PTPRD: variants seen among roughly 807,000 people sequenced by gnomAD.
PTPRD encodes the protein protein tyrosine phosphatase receptor type D.
PTPRD carries 34 observed loss-of-function variants against 214.5 expected under a neutral mutation model. That is an observed-to-expected ratio of 0.16 (90% confidence interval 0.12 to 0.21). The LOEUF is 0.21. Ranked by LOEUF, PTPRD falls within the 10% of genes least tolerant of loss-of-function variation. PTPRD has a pLI of 1.00. For missense variants in PTPRD, 2,545 were observed against 2,398.7 expected, an observed-to-expected ratio of 1.06 and a Z score of -1.27; for synonymous variants, 1,128 against 845.7, an observed-to-expected ratio of 1.33 and a Z score of -5.79.
intron 3 of PTPRD, among the ~76,000 whole-genome samples, chr9:10,106,572 C>G (rs1220227999): frequency 2.0e-5 from 3 of 151,792 alleles, no homozygotes; most frequent in Admixed American, 1.3e-4. Flanking sequence ...GTGGATTTAT[C>G]TCAGCCTCTA....
intron 3 of PTPRD, among the ~76,000 whole-genome samples, chr9:10,048,455 A>G (rs2097449968): frequency 6.6e-6 from 1 of 152,102 alleles, no homozygotes; most frequent in Middle Eastern, 3.2e-3. Context: ...GCTTCTGACC[A>G]TTGCTATCTG....
At chr9:9,668,853 G>T (rs1044399228) in intron 7 of PTPRD, among the ~76,000 whole-genome samples, 1 of 151,954 alleles carries the variant, frequency 6.6e-6, no homozygotes, top group African/African-American at 2.4e-5. Flanking sequence ...CAGTATTTTG[G>T]GAAAAACTGC....
intron 4 of PTPRD, among the ~76,000 whole-genome samples, chr9:10,027,903 T>C (rs1297423654): frequency 6.6e-6 from 1 of 152,172 alleles, no homozygotes; most frequent in African/African-American, 2.4e-5. Context: ...CTAATGGATT[T>C]TGTTTCCACT....
intron 10 of PTPRD, among the ~76,000 whole-genome samples, chr9:9,127,379 A>T (rs2099835616): frequency 6.6e-6 from 1 of 152,216 alleles, no homozygotes; most frequent in Non-Finnish European, 1.5e-5. Flanking sequence ...AGTGAGAGAT[A>T]ATGGTAGTAT....
intron 4 of PTPRD, among the ~76,000 whole-genome samples, chr9:10,032,024 T>C (rs2097090752): frequency 6.6e-6 from 1 of 152,148 alleles, no homozygotes; most frequent in South Asian, 2.1e-4. Flanking sequence ...ATTTGTCACT[T>C]AACATCCTAC....
chr9:9,272,283 T>A (rs1943255168), intron 9 of PTPRD, among the ~76,000 whole-genome samples: 2 of 151,214 alleles, frequency 1.3e-5, no homozygotes, highest in Admixed American at 6.6e-5. Context: ...CAGGCACACT[T>A]TAATTTTAAA....
chr9:9,935,666 G>A (rs1232586395), intron 5 of PTPRD, among the ~76,000 whole-genome samples: 1 of 147,646 alleles, frequency 6.8e-6, no homozygotes, highest in African/African-American at 2.7e-5. Context: ...GTAATTTACA[G>A]ATTCAATGCC....
intron 11 of PTPRD, among the ~76,000 whole-genome samples, chr9:8,991,888 T>C (rs1193956357): frequency 6.6e-6 from 1 of 152,158 alleles, no homozygotes; most frequent in Non-Finnish European, 1.5e-5. Context: ...TCTAAAGAAA[T>C]GGCAATTAGC....
At chr9:9,215,986 G>C (rs548548922) in intron 9 of PTPRD, among the ~76,000 whole-genome samples, 2 of 152,260 alleles carry the variant, frequency 1.3e-5, no homozygotes, top group South Asian at 2.1e-4. Flanking sequence ...TCTGTGTTGA[G>C]TGTCACCTGT....
intron 8 of PTPRD, among the ~76,000 whole-genome samples, chr9:9,408,054 G>C (rs985569295): frequency 4.6e-5 from 7 of 151,742 alleles, no homozygotes; most frequent in African/African-American, 1.7e-4. Context: ...AATTTTAAGA[G>C]ACAGGATTCT....
chr9:9,885,444 C>G (rs1296621668), intron 5 of PTPRD, among the ~76,000 whole-genome samples: 4 of 152,016 alleles, frequency 2.6e-5, no homozygotes, highest in Non-Finnish European at 5.9e-5. Flanking sequence ...TATGATAAGG[C>G]TTCTAAGGAT....
chr9:9,048,169 G>C (rs190812187), intron 10 of PTPRD, among the ~76,000 whole-genome samples: 133 of 152,264 alleles, frequency 8.7e-4, no homozygotes, highest in Non-Finnish European at 1.6e-3. Flanking sequence ...TGGTGAGGAT[G>C]TGAATAAAAT....
At chr9:9,013,315 C>T (rs887741159) in intron 11 of PTPRD, among the ~76,000 whole-genome samples, 5 of 151,920 alleles carry the variant, frequency 3.3e-5, no homozygotes, top group African/African-American at 4.8e-5. Flanking sequence ...AAAATAAATG[C>T]GCCATGGGAG....
chr9:9,366,956 G>C (rs2058053562), intron 9 of PTPRD, among the ~76,000 whole-genome samples: 2 of 150,590 alleles, frequency 1.3e-5, no homozygotes, highest in African/African-American at 2.4e-5. Context: ...AAATAAAAAT[G>C]AAAAAAATTA....
At chr9:9,931,638 C>A (rs576458191) in intron 5 of PTPRD, among the ~76,000 whole-genome samples, 3 of 151,296 alleles carry the variant, frequency 2.0e-5, no homozygotes, top group Non-Finnish European at 4.4e-5. Context: ...AAGACGGCAA[C>A]GAGGCTGGGG....
intron 14 of PTPRD, among the ~76,000 whole-genome samples, chr9:8,561,377 T>C (rs1368208301): frequency 1.3e-5 from 2 of 151,360 alleles, no homozygotes; most frequent in South Asian, 2.1e-4. Context: ...AGCTGTTCCA[T>C]TGTTCAATAA....
intron 5 of PTPRD, among the ~76,000 whole-genome samples, chr9:9,823,995 C>A (rs1321442007): frequency 1.3e-5 from 2 of 151,932 alleles, no homozygotes; most frequent in African/African-American, 4.8e-5. Flanking sequence ...ATATGTACAA[C>A]TATTATGCAT....
intron 8 of PTPRD, among the ~76,000 whole-genome samples, chr9:9,525,585 A>C (rs111457506): frequency 5.9e-5 from 9 of 152,226 alleles, no homozygotes; most frequent in African/African-American, 2.2e-4. Context: ...TGGGGAAGTT[A>C]ATGGAGCTGT....
chr9:9,217,129 T>C (rs2099952800), intron 9 of PTPRD, among the ~76,000 whole-genome samples: 4 of 152,124 alleles, frequency 2.6e-5, no homozygotes, highest in Admixed American at 2.6e-4. Flanking sequence ...GAGATTCCAC[T>C]GGGAGGCTGT....
Sources: allele counts gnomAD v4.1 joint callset (sites outside exome capture counted in the v4.1 genomes callset), GRCh38; gene constraint gnomAD v4.1.1; transcripts MANE v1.5; gene names NCBI Gene and HGNC (gene_info 2026-07-23, HGNC 2026-07-21).